The following TTC39C variants were observed in gnomAD, a reference collection of about 807,000 sequenced individuals.
TTC39C encodes tetratricopeptide repeat protein 39C.
TTC39C carries 33 observed loss-of-function variants against 76.3 expected under a neutral mutation model. The observed-to-expected ratio is 0.43, with a 90% CI of 0.33 to 0.58. TTC39C has a LOEUF of 0.58. Ranked by LOEUF, TTC39C falls within the 20% of genes least tolerant of loss-of-function variation. The pLI, the probability that TTC39C is intolerant of heterozygous loss-of-function variation, is 0.04. For synonymous variants in TTC39C, 254 were observed against 260.6 expected (o/e 0.97, Z 0.24); for missense variants, 595 against 701.4 (o/e 0.85, Z 1.71).
intron 4 of TTC39C, among the ~76,000 whole-genome samples, chr18:24,072,659 C>A (rs1462758038): frequency 6.6e-6 from 1 of 152,242 alleles, no homozygotes; most frequent in Non-Finnish European, 1.5e-5. Flanking sequence ...TAATGAATTA[C>A]TCCATCATCT....
chr18:24,063,589 T>G (rs2145730039), intron 1 of TTC39C, among the ~76,000 whole-genome samples: 2 of 150,638 alleles, frequency 1.3e-5, no homozygotes, highest in Middle Eastern at 6.8e-3. Flanking sequence ...CTTGGCTCAG[T>G]GCAACCTCCA....
At chr18:24,029,383 T>G (rs2145672580) in intron 1 of TTC39C, among the ~76,000 whole-genome samples, 1 of 152,364 alleles carries the variant, frequency 6.6e-6, no homozygotes, top group South Asian at 2.1e-4. Flanking sequence ...ATTACAGGCG[T>G]GAGCCACCAA....
intron 1 of TTC39C, among the ~76,000 whole-genome samples, chr18:24,023,869 T>A (rs2083545733): frequency 6.8e-6 from 1 of 146,596 alleles, no homozygotes; most frequent in Admixed American, 6.9e-5. Flanking sequence ...ATGAAATTGA[T>A]AGATGAAATA....
intron 4 of TTC39C, among the ~76,000 whole-genome samples, chr18:24,078,551 G>A (rs2084336223): frequency 1.3e-5 from 2 of 152,224 alleles, no homozygotes; most frequent in African/African-American, 4.8e-5. Context: ...AAGGGAAAAA[G>A]CACATGGGGT....
intron 1 of TTC39C, among the ~76,000 whole-genome samples, chr18:24,030,520 G>T (rs1432525936): frequency 6.6e-6 from 1 of 152,122 alleles, no homozygotes; most frequent in Non-Finnish European, 1.5e-5. Context: ...TTGCTTAAAT[G>T]CCTGCACAGA....
intron 1 of TTC39C, chr18:24,016,596 A>C: frequency 2.5e-6 from 1 of 398,310 alleles, no homozygotes. Context: ...GTAGGCGAAA[A>C]TACTACCTTT....
At chr18:24,012,381 C>T (rs2083400233), upstream of TTC39C, among the ~76,000 whole-genome samples, 1 of 152,128 alleles carries the variant, frequency 6.6e-6, no homozygotes, top group South Asian at 2.1e-4. Flanking sequence ...AATTGTTCAA[C>T]AATTAAATTT....
chr18:24,114,180 G>A (rs1450246172), intron 6 of TTC39C: 4 of 261,212 alleles, frequency 1.5e-5, no homozygotes, highest in Non-Finnish European at 3.0e-5. Context: ...AATCCAACAC[G>A]TCCTACTGTA....
At chr18:24,055,078 CT>C (rs1255831189) in intron 1 of TTC39C, among the ~76,000 whole-genome samples, 1 of 151,940 alleles carries the variant, frequency 6.6e-6, no homozygotes, top group African/African-American at 2.4e-5. Flanking sequence ...TCAGAATTTT[CT>C]TTTTTTTAAG....
intron 1 of TTC39C, 25 bp from the exon 2 acceptor site, chr18:24,064,111 TTGTG>T (rs201675660): frequency 3.8e-6 from 6 of 1,565,380 alleles, no homozygotes; most frequent in Admixed American, 3.5e-5. Context: ...TAATTGTATT[TTGTG>T]TGTGTGTGTG....
intron 4 of TTC39C, among the ~76,000 whole-genome samples, chr18:24,070,342 C>G (rs1454227838): frequency 1.3e-5 from 2 of 152,066 alleles, no homozygotes; most frequent in African/African-American, 4.8e-5. Context: ...CTAACAATAC[C>G]TTACTTATAT....
intron 1 of TTC39C, among the ~76,000 whole-genome samples, chr18:24,039,487 G>C (rs2083767591): frequency 6.6e-6 from 1 of 152,230 alleles, no homozygotes; most frequent in Non-Finnish European, 1.5e-5. Flanking sequence ...GCCATTGGCA[G>C]GTTTTTGTTT....
chr18:24,083,328 T>C (rs985535646), intron 6 of TTC39C, among the ~76,000 whole-genome samples: 2 of 152,186 alleles, frequency 1.3e-5, no homozygotes, highest in African/African-American at 4.8e-5. Context: ...TGACACAAGA[T>C]TGGTGCACTT....
intron 6 of TTC39C, among the ~76,000 whole-genome samples, chr18:24,099,005 A>ATGTGTGTGTGTGTGTGTG (rs71373362): frequency 4.2e-4 from 55 of 130,746 alleles, no homozygotes; most frequent in Non-Finnish European, 8.0e-4. Context: ...AGTTAGAGGA[A>ATGTGTGTGTGTGTGTGTG]TGTGTGTGTG....
At chr18:24,129,090 A>C (rs566530625) in intron 11 of TTC39C, 107 bp downstream of exon 11, 9 of 712,892 alleles carry the variant, frequency 1.3e-5, no homozygotes, top group Middle Eastern at 3.2e-4. Flanking sequence ...CGAACCTCCC[A>C]CTATAAACTT....
chr18:24,122,480 G>A (rs1181194191), intron 8 of TTC39C, among the ~76,000 whole-genome samples: 1 of 98,246 alleles, frequency 1.0e-5, no homozygotes, highest in Non-Finnish European at 1.8e-5. Context: ...CCTGCCTGGT[G>A]ACAGAGCAAG....
At chr18:24,045,220 G>T (rs2083850256) in intron 1 of TTC39C, among the ~76,000 whole-genome samples, 1 of 132,224 alleles carries the variant, frequency 7.6e-6, no homozygotes, top group African/African-American at 2.8e-5. Context: ...AGTGAGTCAA[G>T]ATCATGCCAC....
intron 1 of TTC39C, among the ~76,000 whole-genome samples, chr18:24,009,627 C>T (rs2083380357): frequency 6.6e-6 from 1 of 152,182 alleles, no homozygotes; most frequent in African/African-American, 2.4e-5. Flanking sequence ...CAACAGAAGA[C>T]CTGCAGTCAC....
intron 1 of TTC39C, among the ~76,000 whole-genome samples, chr18:24,061,857 T>C (rs927451462): frequency 6.6e-6 from 1 of 152,168 alleles, no homozygotes; most frequent in African/African-American, 2.4e-5. Context: ...TGAGCCAAGA[T>C]TGCACAATTG....
Sources: allele counts gnomAD v4.1 joint callset (sites outside exome capture counted in the v4.1 genomes callset), GRCh38; gene constraint gnomAD v4.1.1; transcripts MANE v1.5; gene names NCBI Gene and HGNC (gene_info 2026-07-23, HGNC 2026-07-21).